Variants in IQSEC1 observed in about 807,000 individuals in gnomAD.
IQSEC1 encodes IQ motif and Sec7 domain ArfGEF 1.
Under a neutral mutation model 91.0 loss-of-function variants are expected in IQSEC1, and 31 were observed. The observed-to-expected ratio is 0.34, with a 90% CI of 0.26 to 0.46. IQSEC1 has a LOEUF of 0.46. Ranked by LOEUF, IQSEC1 falls within the 20% of genes least tolerant of loss-of-function variation. The pLI is 1.00. For missense variants in IQSEC1, 1,388 were observed against 1,575.6 expected (o/e 0.88, Z 2.02); for synonymous variants, 699 against 662.6 (o/e 1.05, Z -0.84).
intron 10 of IQSEC1, among the ~76,000 whole-genome samples, chr3:12,910,730 G>A (rs946106911): frequency 1.3e-5 from 2 of 152,370 alleles, no homozygotes; most frequent in East Asian, 3.9e-4. Flanking sequence ...CAGGCGCAAG[G>A]CCTGTGGTTT....
At chr3:13,232,702 T>C (rs954479954) in intron 1 of IQSEC1, among the ~76,000 whole-genome samples, 1 of 152,176 alleles carries the variant, frequency 6.6e-6, no homozygotes, top group Non-Finnish European at 1.5e-5. Context: ...GATAAAATTA[T>C]GTATTAAATA....
At chr3:13,063,223 G>A (rs1415070644) in intron 1 of IQSEC1, among the ~76,000 whole-genome samples, 1 of 152,246 alleles carries the variant, frequency 6.6e-6, no homozygotes, top group Non-Finnish European at 1.5e-5. Context: ...AACCTCACCA[G>A]CCATGTCCCA....
chr3:13,270,561 T>C (rs940004421), intron 1 of IQSEC1, among the ~76,000 whole-genome samples: 2 of 152,228 alleles, frequency 1.3e-5, no homozygotes, highest in Non-Finnish European at 2.9e-5. Flanking sequence ...ATCCTGCCCC[T>C]GTCTTTATTC....
intron 1 of IQSEC1, among the ~76,000 whole-genome samples, chr3:13,170,536 G>A (rs2052077820): frequency 1.3e-5 from 2 of 152,210 alleles, no homozygotes; most frequent in Admixed American, 1.3e-4. Flanking sequence ...GACACTCAAT[G>A]CCAGCCAGTG....
rs1304535960 is a variant in IQSEC1, at chr3:12,995,967, C to A, written c.24-54102G>T. ...GCTGAGGTGGAAGGATCACTTGAAGCCAAGAGTTTTGAGGCCAGCCTGGGC... is the reference window on the plus strand; with the variant it reads ...GCTGAGGTGGAAGGATCACTTGAAGACAAGAGTTTTGAGGCCAGCCTGGGC... On this transcript the variant is annotated intron_variant, in intron 1 of 13. Transcript: ENST00000613206. Among the ~76,000 whole-genome samples the A allele has an allele frequency of 3.9e-5, 6 of 152,262 alleles. 1 individual carries two copies. In the East Asian group the frequency reaches 1.2e-3, roughly 29 times the overall value.
At chr3:13,112,587 G>A (rs566857914) in intron 2 of IQSEC1, among the ~76,000 whole-genome samples, 5 of 150,698 alleles carry the variant, frequency 3.3e-5, no homozygotes, top group Admixed American at 3.3e-4. Context: ...CTGCGTGCTG[G>A]CCCCCAGGCA....
At chr3:13,110,709 T>C (rs1706229083) in intron 2 of IQSEC1, among the ~76,000 whole-genome samples, 1 of 152,196 alleles carries the variant, frequency 6.6e-6, no homozygotes, top group South Asian at 2.1e-4. Context: ...GCCTGCTACC[T>C]TGGGGACACA....
chr3:12,909,461 G>A lies in IQSEC1; in HGVS notation c.2417-27C>T, dbSNP rs936328337. ...TGCAAAAGGGAAGGAGAGGGGAGGA[G>A]GCCCACGGGTCTCAGTGTGTTCTCT... On this transcript the variant is annotated intron_variant, in intron 10 of 13. Transcript: ENST00000613206. The surrounding 1 kb of genome is among the most constrained non-coding windows in gnomAD (Gnocchi z 4.9). 1 of 1,599,722 alleles carries A rather than the reference G, an allele frequency of 6.3e-7. No individual in the cohort carries two copies. Among genetic ancestry groups the A allele is most frequent in the African/African-American group, 1.3e-5 (1 of 74,598 alleles).
At chr3:12,942,508 C>A (rs1698846552) in intron 1 of IQSEC1, among the ~76,000 whole-genome samples, 1 of 151,892 alleles carries the variant, frequency 6.6e-6, no homozygotes, top group African/African-American at 2.4e-5. Flanking sequence ...GAGGCTGAGG[C>A]AGGAGAATAG....
intron 2 of IQSEC1, among the ~76,000 whole-genome samples, chr3:13,095,222 C>G (rs776668378): frequency 1.9e-4 from 29 of 151,210 alleles, no homozygotes; most frequent in Non-Finnish European, 3.7e-4. Context: ...TGGCATGGTC[C>G]CCGTCGTTCC....
At chr3:13,018,427 G>A (rs890279862) in intron 1 of IQSEC1, among the ~76,000 whole-genome samples, 2 of 152,222 alleles carry the variant, frequency 1.3e-5, no homozygotes, top group African/African-American at 4.8e-5. Flanking sequence ...TTCCAAGTGA[G>A]CTGCCCTGGC....
chr3:13,078,820 G>C (rs1471817338), intron 2 of IQSEC1, among the ~76,000 whole-genome samples: 4 of 152,178 alleles, frequency 2.6e-5, no homozygotes, highest in Admixed American at 2.6e-4. Context: ...GCTGCCCCAG[G>C]GGGTTCTTCC....
chr3:13,001,252 T>C (rs1411354662), intron 1 of IQSEC1, among the ~76,000 whole-genome samples: 2 of 152,112 alleles, frequency 1.3e-5, no homozygotes, highest in African/African-American at 4.8e-5. Context: ...TGAGCCACCA[T>C]GCCCGATCCT....
chr3:13,169,574 A>G (rs1466354249), intron 1 of IQSEC1, among the ~76,000 whole-genome samples: 2 of 152,234 alleles, frequency 1.3e-5, no homozygotes, highest in African/African-American at 4.8e-5. Flanking sequence ...GGAACTTCCT[A>G]GAGACTTATT....
chr3:13,135,920 G>A (rs1401627100), intron 2 of IQSEC1, among the ~76,000 whole-genome samples: 1 of 152,206 alleles, frequency 6.6e-6, no homozygotes, highest in Non-Finnish European at 1.5e-5. Flanking sequence ...TCGTGGACAT[G>A]AGAGGAGAAG....
intron 1 of IQSEC1, chr3:13,053,221 A>G (rs1421116887): frequency 1.1e-5 from 7 of 635,696 alleles, no homozygotes; most frequent in Non-Finnish European, 2.0e-5. Flanking sequence ...GGATGCTGCG[A>G]CCCATCCTTC....
upstream of IQSEC1, among the ~76,000 whole-genome samples, chr3:13,077,797 G>A (rs1705586204): frequency 6.6e-6 from 1 of 152,230 alleles, no homozygotes; most frequent in African/African-American, 2.4e-5. Flanking sequence ...AAGTATCACT[G>A]AGGTGCCCTG....
Position 12,900,917 on chromosome 3 carries a change from A to AC in IQSEC1, c.*65dup, listed in dbSNP as rs1053262059. The stretch of plus-strand genomic sequence containing the variant: ...CCCCGGGTTTGGTGTGCGGCTGGCG[A>AC]CCCCCGGGCGTGCCCTGTGTGGTGT... On this transcript the variant is annotated 3_prime_UTR_variant, in exon 14 of 14. Coordinates refer to ENST00000613206, the MANE Select transcript of IQSEC1 (RefSeq NM_001134382.3). 18 of 1,535,754 alleles carry AC rather than the reference A, an allele frequency of 1.2e-5. No homozygotes were observed. The highest frequency in any genetic ancestry group is 1.7e-4 in the Middle Eastern group (1 of 6,010).
intron 1 of IQSEC1, among the ~76,000 whole-genome samples, chr3:13,027,093 G>A (rs941014916): frequency 3.0e-4 from 46 of 152,262 alleles, no homozygotes; most frequent in Non-Finnish European, 5.3e-4. Context: ...CGAGTTGGCC[G>A]AACTTCAAAA....
Sources: allele counts gnomAD v4.1 joint callset (sites outside exome capture counted in the v4.1 genomes callset), GRCh38; gene constraint gnomAD v4.1.1; non-coding constraint Gnocchi (gnomAD v3.1); transcripts MANE v1.5; gene names NCBI Gene and HGNC (gene_info 2026-07-23, HGNC 2026-07-21).